The following SAXO1 variants were observed in gnomAD, a reference collection of about 807,000 sequenced individuals.
SAXO1 encodes 4930500O09Rik.
In SAXO1, 21 loss-of-function variants were observed where a neutral mutation model predicts 17.5. That is an observed-to-expected ratio of 1.20 (90% CI 0.85 to 1.72). SAXO1 has a LOEUF of 1.72. Among genes scored for constraint, SAXO1 ranks in the 40% most tolerant of loss-of-function variants. The pLI is 0.00. For missense variants in SAXO1, 843 were observed against 596.0 expected (o/e 1.41, Z -4.32); for synonymous variants, 274 against 216.5 (o/e 1.27, Z -2.33).
intron 1 of SAXO1, among the ~76,000 whole-genome samples, chr9:18,993,263 C>G (rs1833878903): frequency 6.6e-6 from 1 of 151,422 alleles, no homozygotes; most frequent in Non-Finnish European, 1.5e-5. Context: ...AATGCTCTCC[C>G]TCCCCTTGCC....
intron 1 of SAXO1, among the ~76,000 whole-genome samples, chr9:18,951,643 C>T (rs1032202819): frequency 2.0e-5 from 3 of 152,188 alleles, no homozygotes; most frequent in African/African-American, 4.8e-5. Context: ...CCTGTGTGTG[C>T]ACATATTTTC....
At chr9:19,005,867 G>A (rs912960915) in intron 1 of SAXO1, among the ~76,000 whole-genome samples, 2 of 152,132 alleles carry the variant, frequency 1.3e-5, no homozygotes, top group African/African-American at 4.8e-5. Flanking sequence ...GATCTGATAA[G>A]GGATTAATAT....
intron 1 of SAXO1, among the ~76,000 whole-genome samples, chr9:19,038,541 G>C (rs1238813637): frequency 5.6e-5 from 8 of 142,396 alleles, no homozygotes; most frequent in African/African-American, 2.1e-4. Flanking sequence ...CTCACTCATA[G>C]ATGGGAATTG....
At chr9:19,010,821 T>C (rs554444174) in intron 1 of SAXO1, among the ~76,000 whole-genome samples, 2 of 152,176 alleles carry the variant, frequency 1.3e-5, no homozygotes, top group Non-Finnish European at 2.9e-5. Flanking sequence ...CCTTTCTCAA[T>C]AGGACCACAT....
At chr9:18,959,185 C>T (rs995101844) in intron 1 of SAXO1, among the ~76,000 whole-genome samples, 4 of 152,132 alleles carry the variant, frequency 2.6e-5, no homozygotes, top group African/African-American at 9.7e-5. Flanking sequence ...AGAAATTACC[C>T]AGGAGGTACT....
At chr9:19,035,540 G>C (rs1000729082), upstream of SAXO1, among the ~76,000 whole-genome samples, 2 of 152,172 alleles carry the variant, frequency 1.3e-5, no homozygotes, top group African/African-American at 4.8e-5. Context: ...CCAAAAATGA[G>C]GAAGCAACTT....
intron 1 of SAXO1, among the ~76,000 whole-genome samples, chr9:19,020,652 C>G (rs918298092): frequency 1.4e-4 from 22 of 152,196 alleles, no homozygotes; most frequent in African/African-American, 5.1e-4. Flanking sequence ...AGCCACTGGG[C>G]ATAACCAAGA....
intron 1 of SAXO1, among the ~76,000 whole-genome samples, chr9:19,023,508 A>C (rs1319866644): frequency 6.6e-6 from 1 of 152,168 alleles, no homozygotes; most frequent in African/African-American, 2.4e-5. Context: ...ATGGTTTAAC[A>C]TGACACAGTT....
At chr9:19,012,568 C>T (rs1020291828) in intron 1 of SAXO1, among the ~76,000 whole-genome samples, 3 of 152,194 alleles carry the variant, frequency 2.0e-5, no homozygotes, top group Admixed American at 1.3e-4. Context: ...TAGCAAGGTA[C>T]CTACAAGCAC....
intron 1 of SAXO1, among the ~76,000 whole-genome samples, chr9:19,009,861 C>G (rs1326706784): frequency 6.7e-6 from 1 of 148,184 alleles, no homozygotes; most frequent in African/African-American, 2.5e-5. Flanking sequence ...AGGTCTTGCT[C>G]TGTCACCCAG....
intron 1 of SAXO1, chr9:19,028,245 G>C (rs565715081): frequency 2.6e-6 from 2 of 765,720 alleles, no homozygotes; most frequent in South Asian, 1.8e-5. Context: ...CCGTAGTGGC[G>C]GGCGCCTGTA....
intron 1 of SAXO1, among the ~76,000 whole-genome samples, chr9:19,012,516 A>G (rs1834790413): frequency 6.6e-6 from 1 of 152,172 alleles, no homozygotes; most frequent in Admixed American, 6.5e-5. Context: ...TGTGGCACGA[A>G]CCATATGGGG....
chr9:18,933,999 T>C (rs1031342185), intron 3 of SAXO1, among the ~76,000 whole-genome samples: 3 of 152,144 alleles, frequency 2.0e-5, no homozygotes, highest in Non-Finnish European at 4.4e-5. Flanking sequence ...TGAGCCGAGA[T>C]TGCAGCCACT....
intron 2 of SAXO1, among the ~76,000 whole-genome samples, chr9:18,944,099 C>G (rs1831694453): frequency 6.7e-6 from 1 of 148,470 alleles, no homozygotes; most frequent in Admixed American, 6.6e-5. Context: ...TTCCCAAAGA[C>G]AAAAGCCAAT....
chr9:19,044,213 G>C (rs1836148314), intron 1 of SAXO1, among the ~76,000 whole-genome samples: 1 of 151,962 alleles, frequency 6.6e-6, no homozygotes, highest in Admixed American at 6.6e-5. Flanking sequence ...CATTTACCAT[G>C]ATGTGATTAT....
intron 1 of SAXO1, among the ~76,000 whole-genome samples, chr9:18,962,159 C>T (rs113332773): frequency 6.6e-6 from 1 of 152,270 alleles, no homozygotes; most frequent in African/African-American, 2.4e-5. Context: ...CCTCCACCTC[C>T]TAGGTTCAAG....
At chr9:18,956,110 ATT>A (rs34950206) in intron 1 of SAXO1, among the ~76,000 whole-genome samples, 2,917 of 128,694 alleles carry the variant, frequency 0.023, 87 homozygotes, top group African/African-American at 0.073. Flanking sequence ...AACCTGGCTA[ATT>A]TTTTTTTTTT....
intron 1 of SAXO1, among the ~76,000 whole-genome samples, chr9:19,022,723 T>C (rs1835300373): frequency 6.6e-6 from 1 of 152,214 alleles, no homozygotes; most frequent in South Asian, 2.1e-4. Flanking sequence ...ATGAAGGGCT[T>C]TTGGATAGTC....
At chr9:19,004,714 T>C (rs1834419116) in intron 1 of SAXO1, among the ~76,000 whole-genome samples, 1 of 151,936 alleles carries the variant, frequency 6.6e-6, no homozygotes, top group South Asian at 2.1e-4. Flanking sequence ...TGGGGGCCTG[T>C]TGTGGAGTAG....
Sources: allele counts gnomAD v4.1 joint callset (sites outside exome capture counted in the v4.1 genomes callset), GRCh38; gene constraint gnomAD v4.1.1; transcripts MANE v1.5; gene names NCBI Gene and HGNC (gene_info 2026-07-23, HGNC 2026-07-21).